Variants in GAL3ST4 observed in about 807,000 individuals in gnomAD.
The protein encoded by GAL3ST4 is galactose-3-O-sulfotransferase 4.
In GAL3ST4, 30 loss-of-function variants were observed where a neutral mutation model predicts 31.6. The ratio of observed to expected loss-of-function variants is 0.95; its 90% confidence interval spans 0.71 to 1.29. The LOEUF (loss-of-function observed/expected upper bound fraction) is 1.29, where lower values mean the gene tolerates loss of function less well. Among genes scored for constraint, GAL3ST4 ranks in the 50% most tolerant of loss-of-function variants. GAL3ST4 has a pLI of 0.00. For missense variants in GAL3ST4, 629 were observed against 625.2 expected (o/e 1.01, Z -0.06); for synonymous variants, 248 against 256.9 (o/e 0.97, Z 0.33).
chr7:100,166,831 C>A, intron 2 of GAL3ST4, 26 bp from the exon 3 acceptor site: 1 of 1,573,748 alleles, frequency 6.4e-7, no homozygotes. Context: ...GGGGGAGTGT[C>A]CTGTTCCTCA....
At chr7:100,164,729 C>T (rs1465263637) in intron 3 of GAL3ST4, among the ~76,000 whole-genome samples, 2 of 152,076 alleles carry the variant, frequency 1.3e-5, no homozygotes, top group African/African-American at 4.8e-5. Flanking sequence ...AAAGCATCAC[C>T]TCTTTGGTGA....
chr7:100,164,377 G>A (rs1041614120), intron 3 of GAL3ST4, among the ~76,000 whole-genome samples: 5 of 151,818 alleles, frequency 3.3e-5, no homozygotes, highest in African/African-American at 7.3e-5. Flanking sequence ...AAAACCCCCC[G>A]CTCTCGGCTG....
At chr7:100,167,617 C>T (rs1001695813) in intron 1 of GAL3ST4, 2 of 157,564 alleles carry the variant, frequency 1.3e-5, no homozygotes, top group Admixed American at 1.2e-4. Flanking sequence ...AGACCATGGT[C>T]GGGAACCTGG....
chr7:100,161,679 A>G (rs927179507), intron 3 of GAL3ST4, among the ~76,000 whole-genome samples: 1 of 152,010 alleles, frequency 6.6e-6, no homozygotes, highest in Admixed American at 6.6e-5. Flanking sequence ...AAACTAAAAA[A>G]GTTAGCAGGT....
At chr7:100,164,146 C>A (rs968181178) in intron 3 of GAL3ST4, among the ~76,000 whole-genome samples, 4 of 152,162 alleles carry the variant, frequency 2.6e-5, no homozygotes, top group Non-Finnish European at 5.9e-5. Context: ...TGGCCTTTCG[C>A]TGCCCATCAG....
chr7:100,163,600 A>G (rs144268675), intron 3 of GAL3ST4, among the ~76,000 whole-genome samples: 6 of 151,940 alleles, frequency 3.9e-5, no homozygotes, highest in Non-Finnish European at 5.9e-5. Context: ...GCAGCATATC[A>G]TAGCTCACTG....
chr7:100,162,440 G>A (rs1169122944), intron 3 of GAL3ST4, among the ~76,000 whole-genome samples: 1 of 151,308 alleles, frequency 6.6e-6, no homozygotes, highest in Non-Finnish European at 1.5e-5. Context: ...AGCTACTCAG[G>A]AGGCTGAGGC....
In GAL3ST4 at chr7:100,160,417, G is replaced by A. The variant is rs140652132; in HGVS notation, c.972C>T (p.Asp324=). The change falls in exon 4 of 4, where the codon GAC becomes GAT. Residue 324 remains aspartate (D), a synonymous_variant. Coordinates refer to ENST00000360039, the MANE Select transcript of GAL3ST4 (RefSeq NM_024637.5). ...GGGCATTGTGCATGAAGCCCACCACGTCATCTAGACCCCAGCACAGGGCAT... is the reference window on the plus strand; with the variant it reads ...GGGCATTGTGCATGAAGCCCACCACATCATCTAGACCCCAGCACAGGGCAT... The part of the protein sequence containing the change: ...LADALCWGLD[D]VVGFMHNAQA... The A allele has an allele frequency of 3.1e-3, 5,008 of 1,614,014 alleles. 9 individuals carry two copies. The highest frequency in any genetic ancestry group is 3.8e-3 in the Non-Finnish European group (4,523 of 1,180,000).
At chr7:100,164,745 C>A (rs186030875) in intron 3 of GAL3ST4, among the ~76,000 whole-genome samples, 10 of 152,226 alleles carry the variant, frequency 6.6e-5, no homozygotes, top group East Asian at 1.9e-4. Flanking sequence ...GGTGAATATT[C>A]TTCTCACCAT....
At chr7:100,161,956 G>A (rs1185604051) in intron 3 of GAL3ST4, among the ~76,000 whole-genome samples, 2 of 152,072 alleles carry the variant, frequency 1.3e-5, no homozygotes, top group Non-Finnish European at 2.9e-5. Context: ...ATCACACACT[G>A]GGGCCTGTCG....
At chr7:100,163,885 A>T (rs1245531799) in intron 3 of GAL3ST4, among the ~76,000 whole-genome samples, 1 of 152,186 alleles carries the variant, frequency 6.6e-6, no homozygotes, top group Non-Finnish European at 1.5e-5. Context: ...AGTCTTTGGC[A>T]TCTGGACCTG....
In GAL3ST4 at chr7:100,166,698, C is replaced by T; in HGVS notation, c.233G>A (p.Gly78Glu). 1.2e-6 allele frequency: 2 copies of T among 1,614,110 alleles called. No individual in the cohort carries two copies. Among genetic ancestry groups the T allele is most frequent in the Non-Finnish European group, 1.7e-6 (2 of 1,179,998 alleles). ...RLVFLKTHKS[G>E]SSSVLSLLHR... ...AAGCAGGCTCAGCACAGAGCTGCTC[C>T]CGGATTTATGTGTCTTCAGGAACAC... Residue 78 changes from glycine to glutamate, a missense_variant, in exon 3 of 4, where the codon GGG (glycine) becomes GAG (glutamate). Transcript: ENST00000360039.
chr7:100,160,074 G>A lies in GAL3ST4; in HGVS notation c.1315C>T (p.Leu439Phe). 1 of 1,614,154 alleles carries A rather than the reference G, an allele frequency of 6.2e-7. No homozygotes were observed. Among genetic ancestry groups the A allele is most frequent in the Non-Finnish European group, 8.5e-7 (1 of 1,180,026 alleles). ...TCTTGGGGGCTCAATCCACTCCGAA[G>A]TATATAGCCCAAAACCTTAGCTGAC... is the stretch of plus-strand genomic sequence containing the variant. ...FGSAKVLGYI[L>F]RSGLSPQDQE... The change falls in exon 4 of 4, where the codon CTT becomes TTT. Residue 439 changes from leucine (L) to phenylalanine (F), a missense_variant. Transcript: ENST00000360039.
At position 100,160,021 on chromosome 7, in the gene GAL3ST4, G is replaced by A. The variant is rs779339289; in HGVS notation, c.1368C>T (p.Thr456=). The part of the protein sequence containing the change: ...QDQEECERLA[T]PELQYKDKLD... ...GCTTGTCCTTGTACTGGAGCTCAGGGGTAGCTAGGCGCTCACATTCCTCTT... is the reference window on the plus strand; with the variant it reads ...GCTTGTCCTTGTACTGGAGCTCAGGAGTAGCTAGGCGCTCACATTCCTCTT... The change falls in exon 4 of 4, where the codon ACC becomes ACT. Residue 456 remains threonine (T), a synonymous_variant. Transcript: ENST00000360039. The A allele has an allele frequency of 2.6e-5, 42 of 1,613,950 alleles. No homozygotes were observed. The highest frequency in any genetic ancestry group is 3.3e-5 in the Non-Finnish European group (39 of 1,180,016).
chr7:100,162,566 A>C (rs372993430), intron 3 of GAL3ST4, among the ~76,000 whole-genome samples: 3 of 131,392 alleles, frequency 2.3e-5, no homozygotes, highest in East Asian at 2.6e-4. Flanking sequence ...AAAAAGAAAG[A>C]AGCAGCCAGA....
intron 3 of GAL3ST4, among the ~76,000 whole-genome samples, chr7:100,164,254 C>T (rs1319748061): frequency 6.6e-6 from 1 of 152,142 alleles, no homozygotes; most frequent in Non-Finnish European, 1.5e-5. Flanking sequence ...CAGACGTTCT[C>T]CCTCTTACAT....
intron 3 of GAL3ST4, 57 bp from the exon 4 acceptor site, chr7:100,161,016 A>G: frequency 7.0e-7 from 1 of 1,419,682 alleles, no homozygotes; most frequent in Non-Finnish European, 9.4e-7. Context: ...GGTATGCATA[A>G]GTATGCACAA....
In GAL3ST4 at chr7:100,160,697, G is replaced by A; in HGVS notation, c.692C>T (p.Pro231Leu). Reference protein sequence around the residue: ...EKRAKRGNIHPPRDPNPPQLQ... With the variant: ...EKRAKRGNIHLPRDPNPPQLQ... The stretch of plus-strand genomic sequence containing the variant: ...CTGTGGGGGGTTGGGGTCTCTGGGG[G>A]GATGAATATTCCCTCTCTTGGCCCT... The change falls in exon 4 of 4, where the codon CCC becomes CTC. Residue 231 changes from proline (P) to leucine (L), a missense_variant. By Grantham distance (98) the Pro-to-Leu change is moderately conservative. Transcript: ENST00000360039. 6.2e-7 allele frequency: 1 copy of A among 1,613,948 alleles called. No homozygotes were observed. The highest frequency in any genetic ancestry group is 8.5e-7 in the Non-Finnish European group (1 of 1,180,016).
intron 3 of GAL3ST4, 26 bp downstream of exon 3, chr7:100,166,476 C>G (rs1053607007): frequency 6.3e-7 from 1 of 1,585,010 alleles, no homozygotes; most frequent in Non-Finnish European, 8.6e-7. Flanking sequence ...GTTTCTGGTC[C>G]CTCCCACCAC....
Sources: gnomAD v4.1 joint callset for allele counts (sites outside exome capture counted in the v4.1 genomes callset) on GRCh38, gnomAD v4.1.1 for gene constraint, MANE v1.5 for transcripts, NCBI Gene and HGNC (gene_info 2026-07-23, HGNC 2026-07-21) for gene names.